The following MDFIC2 variants were observed in gnomAD, a reference collection of about 807,000 sequenced individuals.
MDFIC2 encodes the protein MyoD family inhibitor domain containing 2.
intron 2 of MDFIC2, among the ~76,000 whole-genome samples, chr3:70,265,850 G>C (rs1295500017): frequency 1.3e-5 from 2 of 152,152 alleles, no homozygotes; most frequent in African/African-American, 2.4e-5. Context: ...GGAAATGCCA[G>C]ACACTTATAA....
rs540480804 is a variant in MDFIC2 at position 70,232,735 on chromosome 3, C to T, written c.89-25945G>A. On this transcript the variant is annotated intron_variant, in intron 2 of 3. Transcript: ENST00000567252. ...ATTAGTCACAATAATAATGTAAATA[C>T]GTATTGTTTTTACCAATAATAAATA... is the stretch of plus-strand genomic sequence containing the variant. 2.9e-4 allele frequency among the ~76,000 whole-genome samples: 44 copies of T among 152,156 alleles called. No homozygotes were observed. The East Asian group carries it at 4.6e-3, about 16-fold the overall frequency.
chr3:70,277,165 C>T (rs1399048042), intron 2 of MDFIC2, among the ~76,000 whole-genome samples: 1 of 152,134 alleles, frequency 6.6e-6, no homozygotes, highest in Admixed American at 6.6e-5. Flanking sequence ...TCCTGATAGG[C>T]TCCTAAGGAT....
chr3:70,224,792 C>T (rs1347800500), intron 2 of MDFIC2, among the ~76,000 whole-genome samples: 2 of 151,994 alleles, frequency 1.3e-5, no homozygotes, highest in Non-Finnish European at 2.9e-5. Flanking sequence ...TAAAACATTG[C>T]AGTTGATAAT....
intron 2 of MDFIC2, among the ~76,000 whole-genome samples, chr3:70,252,282 C>T (rs192981133): frequency 4.6e-4 from 70 of 152,198 alleles, no homozygotes; most frequent in Non-Finnish European, 6.8e-4. Context: ...GTATATGTAT[C>T]GTATGCTGTG....
intron 2 of MDFIC2, among the ~76,000 whole-genome samples, chr3:70,269,941 A>G (rs1429273300): frequency 1.3e-5 from 2 of 152,214 alleles, no homozygotes; most frequent in African/African-American, 4.8e-5. Flanking sequence ...TCATCTCAAG[A>G]AATGTGAAAA....
intron 2 of MDFIC2, among the ~76,000 whole-genome samples, chr3:70,304,672 C>G (rs905308402): frequency 1.3e-5 from 2 of 152,276 alleles, no homozygotes; most frequent in Admixed American, 6.5e-5. Context: ...TGTATCCTAT[C>G]CCAGTTACCA....
Position 70,224,222 on chromosome 3 carries a change from G to A in MDFIC2, c.89-17432C>T, listed in dbSNP as rs75165627. 6.8e-3 allele frequency among the ~76,000 whole-genome samples: 1,042 copies of A among 152,288 alleles called. 9 individuals are homozygous for A. Among genetic ancestry groups the A allele is most frequent in the Non-Finnish European group, 0.012 (804 of 68,022 alleles). On this transcript the variant is annotated intron_variant, in intron 2 of 3. Transcript: ENST00000567252. ...TTTCTTCTCAGTTTATAAGTAGGCT[G>A]ATTCGAAGTCCCAGCCAAGGTTTCT...
chr3:70,286,049 G>T (rs1388682670), intron 2 of MDFIC2, among the ~76,000 whole-genome samples: 1 of 152,022 alleles, frequency 6.6e-6, no homozygotes, highest in African/African-American at 2.4e-5. Flanking sequence ...CTGTGCAGAA[G>T]CTCTTTAGTT....
In MDFIC2 at chr3:70,196,830, C is replaced by G. The variant is rs1701186345; in HGVS notation, c.*96G>C. The stretch of plus-strand genomic sequence containing the variant: ...GCCTATAGCATCCAAGAAATGTGTA[C>G]AGTCCTTACATTTCAGCACATGGAA... On this transcript the variant is annotated 3_prime_UTR_variant, in exon 4 of 4. Coordinates refer to ENST00000567252, the MANE Select transcript of MDFIC2 (RefSeq NM_001364677.1). 2 of 397,454 alleles carry G rather than the reference C, an allele frequency of 5.0e-6. No individual in the cohort carries two copies. Among genetic ancestry groups the G allele is most frequent in the East Asian group, 7.1e-5 (2 of 28,050 alleles). The allele number at this position is 397,454 out of a possible 1,614,324, so 24.6% of individuals were successfully genotyped here. A position where few individuals can be genotyped will look rare whatever the true frequency, so the allele number is the denominator to read the frequency against.
chr3:70,282,746 C>T (rs1702101543), intron 2 of MDFIC2, among the ~76,000 whole-genome samples: 1 of 152,172 alleles, frequency 6.6e-6, no homozygotes, highest in Non-Finnish European at 1.5e-5. Flanking sequence ...AGACTTACCA[C>T]AGACTTGTTA....
intron 2 of MDFIC2, among the ~76,000 whole-genome samples, chr3:70,303,550 T>C (rs555685392): frequency 6.6e-6 from 1 of 152,324 alleles, no homozygotes; most frequent in East Asian, 1.9e-4. Context: ...ACTCTTGCAT[T>C]TTCCAATAAA....
chr3:70,271,312 T>A (rs536384905), intron 2 of MDFIC2, among the ~76,000 whole-genome samples: 1 of 152,210 alleles, frequency 6.6e-6, no homozygotes, highest in Non-Finnish European at 1.5e-5. Context: ...CAGAGTAAAC[T>A]GGAGAGCATT....
intron 2 of MDFIC2, among the ~76,000 whole-genome samples, chr3:70,234,977 T>C (rs1701593804): frequency 1.3e-5 from 2 of 152,164 alleles, no homozygotes; most frequent in South Asian, 4.1e-4. Context: ...ATCACGATTT[T>C]TAGCAACTGT....
At position 70,203,085 on chromosome 3, in the gene MDFIC2, C is replaced by T. The variant is rs1245899910; in HGVS notation, c.310+3484G>A. Reference sequence around the variant, plus strand: ...AGCTGCTGAAGCACACCTCCTGCTACCCCAGGACTCCTTATCCTAAGTGGC... The same window carrying T: ...AGCTGCTGAAGCACACCTCCTGCTATCCCAGGACTCCTTATCCTAAGTGGC... On this transcript the variant is annotated intron_variant, in intron 3 of 3. Coordinates refer to ENST00000567252, the MANE Select transcript of MDFIC2 (RefSeq NM_001364677.1). 5.3e-5 allele frequency among the ~76,000 whole-genome samples: 8 copies of T among 152,188 alleles called. No individual in the cohort carries two copies. The South Asian group carries it at 1.2e-3, about 24-fold the overall frequency.
chr3:70,240,186 A>G (rs1196017870), intron 2 of MDFIC2, among the ~76,000 whole-genome samples: 1 of 152,072 alleles, frequency 6.6e-6, no homozygotes, highest in African/African-American at 2.4e-5. Context: ...TTAGATAACC[A>G]TTGTAATTCA....
At chr3:70,275,758 C>T (rs1260050178) in intron 2 of MDFIC2, among the ~76,000 whole-genome samples, 1 of 152,136 alleles carries the variant, frequency 6.6e-6, no homozygotes, top group East Asian at 1.9e-4. Context: ...TTATGAAGTA[C>T]TTTCAGAAGT....
intron 2 of MDFIC2, among the ~76,000 whole-genome samples, chr3:70,307,335 A>G (rs1702412063): frequency 2.0e-5 from 3 of 152,148 alleles, no homozygotes; most frequent in Non-Finnish European, 4.4e-5. Context: ...AAACGCTGAC[A>G]ATGCTGTGAT....
At chr3:70,236,119 T>G (rs908109496) in intron 2 of MDFIC2, among the ~76,000 whole-genome samples, 4 of 152,202 alleles carry the variant, frequency 2.6e-5, no homozygotes, top group Non-Finnish European at 4.4e-5. Context: ...ACCTAACTTA[T>G]TCTCTAATGA....
At chr3:70,309,482 C>G (rs1702436576) in intron 2 of MDFIC2, among the ~76,000 whole-genome samples, 1 of 152,082 alleles carries the variant, frequency 6.6e-6, no homozygotes, top group African/African-American at 2.4e-5. Context: ...CCCATAATCT[C>G]ATAAAGCAAG....
Sources: allele counts gnomAD v4.1 joint callset (sites outside exome capture counted in the v4.1 genomes callset), GRCh38; gene constraint gnomAD v4.1.1; transcripts MANE v1.5; gene names NCBI Gene and HGNC (gene_info 2026-07-23, HGNC 2026-07-21).